The following ATP9B variants were observed in gnomAD, a reference collection of about 807,000 sequenced individuals.
ATP9B encodes probable phospholipid-transporting ATPase IIB.
In ATP9B, 110 loss-of-function variants were observed where a neutral mutation model predicts 146.1. The ratio of observed to expected loss-of-function variants is 0.75; its 90% CI spans 0.65 to 0.88. The LOEUF is 0.88. ATP9B is among the 40% of genes least tolerant of loss of function. The probability of loss-of-function intolerance (pLI) is 0.00; values close to 1 mark genes in which losing one functional copy is unlikely to be tolerated. For missense variants in ATP9B, 1,499 were observed against 1,496.4 expected (o/e 1.00, Z -0.03); for synonymous variants, 604 against 569.7 (o/e 1.06, Z -0.86).
intron 18 of ATP9B, 101 bp from the exon 19 acceptor site, chr18:79,337,178 C>G: frequency 7.0e-7 from 1 of 1,428,406 alleles, no homozygotes. Flanking sequence ...TGCACATAGT[C>G]ACCTCCCCCT....
chr18:79,326,461 C>T (rs1301252309), intron 15 of ATP9B, among the ~76,000 whole-genome samples: 1 of 147,536 alleles, frequency 6.8e-6, no homozygotes, highest in Admixed American at 6.7e-5. Context: ...CTGCACACTC[C>T]TTCCCCTCAC....
chr18:79,309,966 T>C (rs1296982640), intron 15 of ATP9B, among the ~76,000 whole-genome samples: 18 of 152,194 alleles, frequency 1.2e-4, no homozygotes, highest in Admixed American at 1.2e-3. Flanking sequence ...TTAGGAATAC[T>C]GATTCAATTT....
intron 15 of ATP9B, among the ~76,000 whole-genome samples, chr18:79,321,384 AT>A (rs11339661): frequency 0.85 from 112,253 of 132,612 alleles, 47,096 homozygotes; most frequent in East Asian, 0.96. Flanking sequence ...TCATCTAGCA[AT>A]TTTTTTTTTT....
chr18:79,293,136 A>G (rs777963037), intron 13 of ATP9B, among the ~76,000 whole-genome samples: 3 of 151,082 alleles, frequency 2.0e-5, no homozygotes, highest in Non-Finnish European at 2.9e-5. Context: ...CTGGGCAACT[A>G]GATATCCCAT....
intron 13 of ATP9B, among the ~76,000 whole-genome samples, chr18:79,297,252 G>A (rs1451452559): frequency 1.3e-5 from 2 of 148,560 alleles, no homozygotes; most frequent in Non-Finnish European, 1.5e-5. Context: ...AGACGCAGAC[G>A]ACCCAGAGAG....
intron 7 of ATP9B, among the ~76,000 whole-genome samples, chr18:79,165,014 A>C (rs1179977448): frequency 6.6e-6 from 1 of 152,192 alleles, no homozygotes; most frequent in African/African-American, 2.4e-5. Flanking sequence ...CTGTTCTTAC[A>C]TAATCTACTT....
rs1011245881 is a variant in ATP9B at position 79,256,270 on chromosome 18, T to C, written c.1268+2729T>C. On this transcript the variant is annotated intron_variant, in intron 12 of 29. Transcript: ENST00000426216. Reference sequence around the variant, plus strand: ...AATTCTAGCTAGCTATATATATATATATATATATATATATATACATACATA... The same window carrying C: ...AATTCTAGCTAGCTATATATATATACATATATATATATATATACATACATA... 9.9e-5 allele frequency among the ~76,000 whole-genome samples: 13 copies of C among 130,870 alleles called. No individual in the cohort carries two copies. The East Asian group carries it at 2.2e-3, about 22-fold the overall frequency. The allele number at this position is 130,870 out of a possible 152,430, so 85.9% of individuals were successfully genotyped here.
intron 26 of ATP9B, chr18:79,362,492 T>C (rs2096995820): frequency 6.6e-6 from 1 of 152,268 alleles, no homozygotes; most frequent in Non-Finnish European, 1.5e-5. Flanking sequence ...TGTTATTCTT[T>C]TGAAGCTCAA....
chr18:79,122,961 T>G (rs2094214535), intron 4 of ATP9B, among the ~76,000 whole-genome samples: 1 of 152,186 alleles, frequency 6.6e-6, no homozygotes, highest in Admixed American at 6.5e-5. Flanking sequence ...TCTTAAAATT[T>G]TGTACTTCAC....
chr18:79,291,259 C>G (rs1255480815), intron 13 of ATP9B, among the ~76,000 whole-genome samples: 1 of 152,054 alleles, frequency 6.6e-6, no homozygotes, highest in Non-Finnish European at 1.5e-5. Context: ...CTGTGAATCT[C>G]TTTGACGTGA....
intron 21 of ATP9B, among the ~76,000 whole-genome samples, chr18:79,344,893 G>A (rs1176171060): frequency 2.0e-5 from 3 of 152,316 alleles, no homozygotes; most frequent in African/African-American, 7.2e-5. Context: ...TTCATGCCTC[G>A]TTTTCTTCGC....
rs369216444 is a variant in ATP9B at position 79,143,864 on chromosome 18, G to T, written c.726+4G>T. 14 of 1,559,288 alleles carry T rather than the reference G, an allele frequency of 9.0e-6. No homozygotes were observed. Among genetic ancestry groups the T allele is most frequent in the Middle Eastern group, 1.7e-4 (1 of 5,896 alleles). On this transcript the variant is annotated splice_donor_region_variant and intron_variant, in intron 6 of 29. Coordinates refer to ENST00000426216, the MANE Select transcript of ATP9B (RefSeq NM_198531.5). The stretch of plus-strand genomic sequence containing the variant: ...AGACCTCATCATAGTGGAAAAGGTT[G>T]ATGATTTTTTAATATATTTTAGACC...
Position 79,113,399 on chromosome 18 carries a change from G to T in ATP9B, c.558+45G>T, listed in dbSNP as rs1447211250. The T allele has an allele frequency of 3.3e-6, 4 of 1,199,518 alleles. No individual in the cohort carries two copies. The African/African-American group carries it at 4.8e-5, about 14-fold the overall frequency. 74.3% of individuals were successfully genotyped at this position (1,199,518 alleles called of 1,614,324 possible). A position where few individuals can be genotyped will look rare whatever the true frequency, so the allele number is the denominator to read the frequency against. ...ATTAAGTTAAATTATGAAATATTTA[G>T]AATATAGTTTTAAGAGTTGAGATGG... On this transcript the variant is annotated intron_variant, in intron 4 of 29. Transcript: ENST00000426216.
intron 13 of ATP9B, among the ~76,000 whole-genome samples, chr18:79,298,106 A>G (rs1339050198): frequency 6.8e-6 from 1 of 147,010 alleles, no homozygotes; most frequent in Non-Finnish European, 1.5e-5. Context: ...ACAGTGCAGT[A>G]CGGTAAGAAA....
At chr18:79,353,978 A>G (rs1372324237) in intron 25 of ATP9B, 5 of 152,260 alleles carry the variant, frequency 3.3e-5, no homozygotes, top group African/African-American at 1.2e-4. Flanking sequence ...GTAGATATTT[A>G]GTGCCCAGCA....
chr18:79,214,423 T>C (rs1366994058), intron 11 of ATP9B, among the ~76,000 whole-genome samples: 8 of 152,246 alleles, frequency 5.3e-5, no homozygotes, highest in African/African-American at 1.9e-4. Context: ...TTTTATACTA[T>C]TTAATTTGAT....
intron 13 of ATP9B, among the ~76,000 whole-genome samples, chr18:79,295,038 G>T (rs1207362355): frequency 6.6e-6 from 1 of 152,114 alleles, no homozygotes; most frequent in Non-Finnish European, 1.5e-5. Context: ...TTTTCTGTGT[G>T]TTTTGGTTTT....
chr18:79,196,258 G>A (rs1380365891), intron 9 of ATP9B, among the ~76,000 whole-genome samples: 1 of 152,178 alleles, frequency 6.6e-6, no homozygotes. Flanking sequence ...CAGAGTTCAG[G>A]TGTGTTGTAC....
At chr18:79,246,360 A>G (rs2095962737) in intron 11 of ATP9B, among the ~76,000 whole-genome samples, 1 of 150,878 alleles carries the variant, frequency 6.6e-6, no homozygotes, top group South Asian at 2.1e-4. Context: ...GCACCGCCCT[A>G]CTGACTGAGG....
Sources: allele counts gnomAD v4.1 joint callset (sites outside exome capture counted in the v4.1 genomes callset), GRCh38; gene constraint gnomAD v4.1.1; transcripts MANE v1.5; gene names NCBI Gene and HGNC (gene_info 2026-07-23, HGNC 2026-07-21).